Variants in CPSF1 observed in about 807,000 individuals in gnomAD.
The protein encoded by CPSF1 is cleavage and polyadenylation specificity factor subunit 1.
A neutral mutation model predicts 175.8 loss-of-function variants in CPSF1; 106 were observed. That is an observed-to-expected ratio of 0.60 (90% CI 0.52 to 0.71). CPSF1 has a LOEUF of 0.71. Among genes scored for constraint, CPSF1 ranks in the 30% least tolerant of loss-of-function variants. CPSF1 has a pLI of 0.00. For synonymous variants in CPSF1, 1,024 were observed against 858.3 expected (o/e 1.19, Z -3.37); for missense variants, 1,734 against 2,022.9 (o/e 0.86, Z 2.74).
At chr8:144,404,946 G>A (rs1821416286) in intron 2 of CPSF1, among the ~76,000 whole-genome samples, 2 of 151,842 alleles carry the variant, frequency 1.3e-5, no homozygotes, top group African/African-American at 2.4e-5. Flanking sequence ...TCAGGAGGCT[G>A]AGGCAGGGGA....
At position 144,396,593 on chromosome 8, in the gene CPSF1, C is replaced by T; in HGVS notation, c.2826+5G>A. ...CCACAGACCCCTGCAAAGGCGCTGG[C>T]CTACCCCTGAGTAGCCATAAATATC... On this transcript the variant is annotated splice_donor_5th_base_variant and intron_variant, in intron 25 of 37. Coordinates refer to ENST00000616140, the MANE Select transcript of CPSF1 (RefSeq NM_013291.3). 2.5e-6 allele frequency: 4 copies of T among 1,612,058 alleles called. No individual in the cohort carries two copies. Among genetic ancestry groups the T allele is most frequent in the East Asian group, 2.2e-5 (1 of 44,846 alleles).
chr8:144,398,493 C>G (rs1820939327), intron 18 of CPSF1, 32 bp downstream of exon 18: 1 of 1,611,276 alleles, frequency 6.2e-7, no homozygotes, highest in African/African-American at 1.4e-5. Context: ...GACCCCAGCC[C>G]CAGGTCCCAG....
chr8:144,399,038 A>G lies in CPSF1; in HGVS notation c.1468T>C (p.Phe490Leu). The change falls in exon 16 of 38, where the codon TTT becomes CTT. Residue 490 changes from phenylalanine to leucine, a missense_variant and splice_region_variant. Physicochemically the swap from Phe to Leu is conservative, Grantham distance 22. Coordinates refer to ENST00000616140, the MANE Select transcript of CPSF1 (RefSeq NM_013291.3). This position sits in a 1 kb window ranked among gnomAD's most constrained non-coding sequence, Gnocchi z 6.4. ...VGEPAFLSEE[F>L]QNSPEPDLEI... ...AGGTCCGGCTCGGGGCTGTTCTGAA[A>G]CTGCACAGGACTCGGGGGTGAGGAC... is the stretch of plus-strand genomic sequence containing the variant. The G allele has an allele frequency of 6.3e-7, 1 of 1,589,002 alleles. No homozygotes were observed. The highest frequency in any genetic ancestry group is 8.6e-7 in the Non-Finnish European group (1 of 1,168,400).
chr8:144,397,282 G>A lies in CPSF1; in HGVS notation c.2517C>T (p.Arg839=). The change falls in exon 23 of 38, where the codon CGC becomes CGT. Residue 839 remains arginine (R), a synonymous_variant. Coordinates refer to ENST00000616140, the MANE Select transcript of CPSF1 (RefSeq NM_013291.3). ...CCTTGACGAGGGGCAGCTCCCCCTG[G>A]CGCGTGGCCTCCTCCCTGCGGGCCT... is the stretch of plus-strand genomic sequence containing the variant. ...QGEARREEAT[R]QGELPLVKEV... is the part of the protein sequence containing the mutation. 1 of 1,549,684 alleles carries A rather than the reference G, an allele frequency of 6.5e-7. No homozygotes were observed. The highest frequency in any genetic ancestry group is 8.7e-7 in the Non-Finnish European group (1 of 1,147,164).
chr8:144,393,339 G>C lies in CPSF1; in HGVS notation c.4311C>G (p.Asp1437Glu), dbSNP rs201892829. 1.3e-5 allele frequency: 19 copies of C among 1,494,404 alleles called. No individual in the cohort carries two copies. Among genetic ancestry groups the C allele is most frequent in the Middle Eastern group, 2.4e-4 (1 of 4,170 alleles). 92.6% of individuals were successfully genotyped at this position (1,494,404 alleles called of 1,614,324 possible). ...GGGGCTAGAAGTGGGCGGTGACGCG[G>C]TCCGTCTCCAGCAAGTCGTCCAGGA... ...DIILDDLLET[D>E]RVTAHF is the part of the protein sequence containing the mutation. The change falls in exon 38 of 38, where the codon GAC (aspartate) becomes GAG (glutamate). Residue 1437 changes from aspartate (D) to glutamate (E), a missense_variant. Physicochemically the swap from Asp to Glu is conservative, Grantham distance 45 (BLOSUM62 2). Coordinates refer to ENST00000616140, the MANE Select transcript of CPSF1 (RefSeq NM_013291.3).
chr8:144,399,007 A>T lies in CPSF1; in HGVS notation c.1499T>A (p.Ile500Asn). Residue 500 changes from isoleucine to asparagine, a missense_variant, in exon 16 of 38, where the codon ATT (isoleucine) becomes AAT (asparagine). Ile to Asn is a moderately radical substitution (Grantham distance 149, BLOSUM62 -3). This residue lies in a region of CPSF1 where 280 missense variants were observed against 349.2 expected (regional missense o/e 0.80). Coordinates refer to ENST00000616140, the MANE Select transcript of CPSF1 (RefSeq NM_013291.3). This position sits in a 1 kb window ranked among gnomAD's most constrained non-coding sequence, Gnocchi z 6.4. ...FQNSPEPDLE[I>N]VVCSGHGKNG... Reference sequence around the variant, plus strand: ...CTTCCCGTGGCCGGAGCAAACCACAATCTCCAGGTCCGGCTCGGGGCTGTT... The same window carrying T: ...CTTCCCGTGGCCGGAGCAAACCACATTCTCCAGGTCCGGCTCGGGGCTGTT... 1 of 1,610,828 alleles carries T rather than the reference A, an allele frequency of 6.2e-7. No individual in the cohort carries two copies. The highest frequency in any genetic ancestry group is 8.5e-7 in the Non-Finnish European group (1 of 1,179,136).
Position 144,394,513 on chromosome 8 carries a change from C to A in CPSF1, c.3610G>T (p.Ala1204Ser). 1 of 1,610,056 alleles carries A rather than the reference C, an allele frequency of 6.2e-7. No homozygotes were observed. Residue 1204 changes from alanine (A) to serine (S), a missense_variant, in exon 32 of 38, where the codon GCC becomes TCC. By Grantham distance (99) the Ala-to-Ser change is moderately conservative. This residue lies in a region of CPSF1 where 62 missense variants were observed against 124.5 expected (regional missense o/e 0.50). Coordinates refer to ENST00000616140, the MANE Select transcript of CPSF1 (RefSeq NM_013291.3). The stretch of plus-strand genomic sequence containing the variant: ...ATGTAGAGCTGCGTGTCGATGAAGG[C>A]CATGCCCGTCAGCTCGCTGGCCCGC... ...SLRASELTGMAFIDTQLYIHQ... is the reference protein window; with the variant it reads ...SLRASELTGMSFIDTQLYIHQ...
At position 144,396,411 on chromosome 8, in the gene CPSF1, G is replaced by A. The variant is rs367752570; in HGVS notation, c.2916C>T (p.Val972=). 38 of 1,591,168 alleles carry A rather than the reference G, an allele frequency of 2.4e-5. No individual in the cohort carries two copies. Among genetic ancestry groups the A allele is most frequent in the Middle Eastern group, 4.4e-4 (2 of 4,596 alleles). Residue 972 remains valine (V), a synonymous_variant, in exon 26 of 38, where the codon GTC becomes GTT. Coordinates refer to ENST00000616140, the MANE Select transcript of CPSF1 (RefSeq NM_013291.3). ...CATTGTGGAATGGAGCGAAAGAGTC[G>A]ACCGGGCCGTCGATGGCCATGGGGT... ...RLHPMAIDGP[V]DSFAPFHNVN... is the part of the protein sequence containing the mutation.
At chr8:144,400,898 C>G (rs2116879575) in intron 6 of CPSF1, 26 bp downstream of exon 6, 1 of 1,603,504 alleles carries the variant, frequency 6.2e-7, no homozygotes. Context: ...ACCCCAGCAC[C>G]ACAGCCTGCC....
At chr8:144,405,247 C>T (rs1333695467) in intron 2 of CPSF1, among the ~76,000 whole-genome samples, 2 of 152,204 alleles carry the variant, frequency 1.3e-5, no homozygotes, top group Non-Finnish European at 2.9e-5. Context: ...AGGCCTCCGC[C>T]GCCTCCTGAA....
chr8:144,403,110 T>G (rs1821307551), intron 2 of CPSF1, among the ~76,000 whole-genome samples: 1 of 152,046 alleles, frequency 6.6e-6, no homozygotes, highest in African/African-American at 2.4e-5. Flanking sequence ...TTTTTTTTTT[T>G]TTTTGAGATG....
chr8:144,398,489 A>AG (rs2116850619), intron 18 of CPSF1, 36 bp downstream of exon 18: 45 of 1,341,474 alleles, frequency 3.4e-5, no homozygotes, highest in Admixed American at 9.4e-5. Context: ...AGGGGACCCC[A>AG]GCCCCAGGTC....
rs1028443297 is a variant in CPSF1, at chr8:144,399,233, G to A, written c.1393-31C>T. The A allele has an allele frequency of 5.0e-6, 8 of 1,611,714 alleles. No homozygotes were observed. The highest frequency in any genetic ancestry group is 1.7e-5 in the Admixed American group (1 of 59,914). On this transcript the variant is annotated intron_variant, in intron 14 of 37. Coordinates refer to ENST00000616140, the MANE Select transcript of CPSF1 (RefSeq NM_013291.3). The surrounding 1 kb of genome is among the most constrained non-coding windows in gnomAD (Gnocchi z 6.4). ...GCACAGCAAGAGTCAGGGGCCCGCT[G>A]GGGGCGCTGGCTGGGACGGGGGCCC...
Position 144,400,421 on chromosome 8 carries a change from G to A in CPSF1, c.759C>T (p.Pro253=), listed in dbSNP as rs2116875085. ...GCAGGCTGGTGAGGGACCAGATGAC[G>A]GGGTGCACCTTCTGCGTGATGTTCA... is the stretch of plus-strand genomic sequence containing the variant. The part of the protein sequence containing the change: ...ISLNITQKVH[P]VIWSLTSLPF... The change falls in exon 8 of 38, where the codon CCC becomes CCT. Residue 253 remains proline, a synonymous_variant. Coordinates refer to ENST00000616140, the MANE Select transcript of CPSF1 (RefSeq NM_013291.3). The A allele has an allele frequency of 9.7e-5, 156 of 1,613,626 alleles. 1 individual carries two copies. The highest frequency in any genetic ancestry group is 1.6e-4 in the Middle Eastern group (1 of 6,084).
In CPSF1 at chr8:144,399,430, C is replaced by T. The variant is rs200325379; in HGVS notation, c.1294+22G>A. ...CTGGGTCACCTGGCCCCGCTCCTGACCAGCCCTGGACCGGCCCTCACCTGA... is the reference window on the plus strand; with the variant it reads ...CTGGGTCACCTGGCCCCGCTCCTGATCAGCCCTGGACCGGCCCTCACCTGA... On this transcript the variant is annotated intron_variant, in intron 13 of 37. Transcript: ENST00000616140. This position sits in a 1 kb window ranked among gnomAD's most constrained non-coding sequence, Gnocchi z 6.4. The T allele has an allele frequency of 5.0e-4, 807 of 1,612,780 alleles. 4 individuals are homozygous for T. Among genetic ancestry groups the T allele is most frequent in the Admixed American group, 1.1e-3 (68 of 59,962 alleles).
In CPSF1 at chr8:144,409,281, C is replaced by T; in HGVS notation, c.-15+8G>A. ...GCTGCCGCCTCGGCCGCCCGCCCGG[C>T]CGCCCACCTGGCAGTTGGAGCCGAC... On this transcript the variant is annotated splice_region_variant and intron_variant, in intron 1 of 37. Coordinates refer to ENST00000616140, the MANE Select transcript of CPSF1 (RefSeq NM_013291.3). 2 of 932,224 alleles carry T rather than the reference C, an allele frequency of 2.1e-6. No homozygotes were observed. Among genetic ancestry groups the T allele is most frequent in the Non-Finnish European group, 2.7e-6 (2 of 727,654 alleles). 57.7% of individuals were successfully genotyped at this position (932,224 alleles called of 1,614,324 possible). A position where few individuals can be genotyped will look rare whatever the true frequency, so the allele number is the denominator to read the frequency against.
chr8:144,399,434 C>A lies in CPSF1; in HGVS notation c.1294+18G>T, dbSNP rs2116862609. The A allele has an allele frequency of 1.2e-6, 2 of 1,612,894 alleles. No individual in the cohort carries two copies. Among genetic ancestry groups the A allele is most frequent in the Admixed American group, 3.3e-5 (2 of 59,988 alleles). Reference sequence around the variant, plus strand: ...GTCACCTGGCCCCGCTCCTGACCAGCCCTGGACCGGCCCTCACCTGACCAG... The same window carrying A: ...GTCACCTGGCCCCGCTCCTGACCAGACCTGGACCGGCCCTCACCTGACCAG... On this transcript the variant is annotated intron_variant, in intron 13 of 37. Transcript: ENST00000616140. This position sits in a 1 kb window ranked among gnomAD's most constrained non-coding sequence, Gnocchi z 6.4.
At chr8:144,406,000 T>C (rs1554868990) in intron 2 of CPSF1, among the ~76,000 whole-genome samples, 1 of 152,156 alleles carries the variant, frequency 6.6e-6, no homozygotes. Flanking sequence ...GATGAATCCC[T>C]GAAAACCTGG....
chr8:144,401,389 C>G, intron 4 of CPSF1, 41 bp downstream of exon 4: 1 of 1,612,688 alleles, frequency 6.2e-7, no homozygotes, highest in Admixed American at 1.7e-5. Flanking sequence ...CACCCACTCC[C>G]ACGCCTTGGC....
Sources: gnomAD v4.1 joint callset for allele counts (sites outside exome capture counted in the v4.1 genomes callset) on GRCh38, gnomAD v4.1.1 for gene constraint, gnomAD v4.1.1 regional missense constraint, Gnocchi (gnomAD v3.1) non-coding constraint, MANE v1.5 for transcripts, NCBI Gene and HGNC (gene_info 2026-07-23, HGNC 2026-07-21) for gene names.